Variants in RCC1L observed in about 807,000 individuals in gnomAD.
RCC1L encodes RCC1 like.
RCC1L carries 46 observed loss-of-function variants against 58.6 expected under a neutral mutation model. The observed-to-expected ratio is 0.79, with a 90% CI of 0.62 to 1.00. The LOEUF (loss-of-function observed/expected upper bound fraction) is 1.00. Ranked by LOEUF, RCC1L falls within the 50% of genes least tolerant of loss-of-function variation. RCC1L has a pLI of 0.00. For synonymous variants in RCC1L, 281 were observed against 262.9 expected, an observed-to-expected ratio of 1.07 and a Z score of -0.67; for missense variants, 636 against 623.6, an observed-to-expected ratio of 1.02 and a Z score of -0.21.
In RCC1L at chr7:75,073,514, G is replaced by A. The variant is rs782190497; in HGVS notation, c.224C>T (p.Pro75Leu). ...GFSFSGALGV[P>L]SFVVPSSGPG... is the part of the protein sequence containing the mutation. The stretch of plus-strand genomic sequence containing the variant: ...CCCGGAGCTGGGCACCACAAAGGAA[G>A]GCACGCCCAGCGCCCCCGAGAAGCT... The change falls in exon 1 of 11, where the codon CCT becomes CTT. Residue 75 changes from proline (P) to leucine (L), a missense_variant. Coordinates refer to ENST00000610322, the MANE Select transcript of RCC1L (RefSeq NM_030798.5). 1.4e-6 allele frequency: 2 copies of A among 1,439,874 alleles called. No homozygotes were observed. Among genetic ancestry groups the A allele is most frequent in the Non-Finnish European group, 1.8e-6 (2 of 1,103,782 alleles). The allele number at this position is 1,439,874 out of a possible 1,614,324, so 89.2% of individuals were successfully genotyped here. A position where few individuals can be genotyped will look rare whatever the true frequency, so the allele number is the denominator to read the frequency against.
chr7:75,038,995 C>T (rs1805488056), downstream of RCC1L, among the ~76,000 whole-genome samples: 1 of 152,206 alleles, frequency 6.6e-6, no homozygotes, highest in Non-Finnish European at 1.5e-5. Context: ...CGCGCGTCAC[C>T]ACGTCCGGCT....
At chr7:75,029,788 G>A (rs1023712665) in intron 10 of RCC1L, among the ~76,000 whole-genome samples, 4,797 of 152,242 alleles carry the variant, frequency 0.032, 89 homozygotes, top group East Asian at 0.048. Flanking sequence ...GAGTGAGGCC[G>A]GGGGGCTTCT....
rs1391513994 is a variant in RCC1L, at chr7:75,063,332, CTG to C, written c.660_661del (p.His220GlnfsTer22). On this transcript the variant is annotated frameshift_variant, in exon 5 of 11. Transcript: ENST00000610322. LOFTEE classifies it high-confidence loss of function. Reference sequence around the variant, plus strand: ...ATCGAAGTCCTGCATCCTGTGGACTCTGTGACTTTCACTACAGCCAGGAACAA... The same window carrying C: ...ATCGAAGTCCTGCATCCTGTGGACTCTGACTTTCACTACAGCCAGGAACAA... 6 of 1,613,750 alleles carry C rather than the reference CTG, an allele frequency of 3.7e-6. No individual in the cohort carries two copies. Among genetic ancestry groups the C allele is most frequent in the Admixed American group, 3.3e-5 (2 of 59,964 alleles).
chr7:75,032,266 C>T (rs1805323775), intron 10 of RCC1L, among the ~76,000 whole-genome samples: 1 of 152,110 alleles, frequency 6.6e-6, no homozygotes, highest in Non-Finnish European at 1.5e-5. Flanking sequence ...TTTCTGATGG[C>T]AAGGGAAGGG....
chr7:75,052,860 A>T, intron 9 of RCC1L, 64 bp from the exon 10 acceptor site: 1 of 1,481,100 alleles, frequency 6.8e-7, no homozygotes, highest in Non-Finnish European at 9.3e-7. Flanking sequence ...CAAGGAGAGG[A>T]TGGGTCATGA....
intron 2 of RCC1L, among the ~76,000 whole-genome samples, chr7:75,068,538 T>C (rs1806593285): frequency 6.6e-6 from 1 of 151,458 alleles, no homozygotes; most frequent in South Asian, 2.1e-4. Context: ...ATCCCCAAAT[T>C]AGCCAGGTGT....
intron 5 of RCC1L, among the ~76,000 whole-genome samples, chr7:75,061,761 T>A (rs1181495259): frequency 6.6e-6 from 1 of 152,214 alleles, no homozygotes; most frequent in East Asian, 1.9e-4. Flanking sequence ...GCCTCTGCAC[T>A]GTGATCTCTG....
chr7:75,033,395 GTAAT>G (rs1805358926), intron 10 of RCC1L, among the ~76,000 whole-genome samples: 1 of 152,014 alleles, frequency 6.6e-6, no homozygotes, highest in Admixed American at 6.6e-5. Context: ...ACCCGTAGTG[GTAAT>G]TAAGAAGTGG....
chr7:75,044,775 G>A (rs148581667), intron 10 of RCC1L, among the ~76,000 whole-genome samples: 8,069 of 151,494 alleles, frequency 0.053, 278 homozygotes, highest in South Asian at 0.098. Context: ...AGTGGCTCAC[G>A]CCTGTAATCC....
At chr7:75,056,161 A>C (rs1806072730) in intron 8 of RCC1L, 87 bp from the exon 9 acceptor site, 1 of 1,490,054 alleles carries the variant, frequency 6.7e-7, no homozygotes, top group Non-Finnish European at 9.3e-7. Flanking sequence ...ACCAAGGTTT[A>C]TGACATCCAC....
intron 7 of RCC1L, 77 bp downstream of exon 7, chr7:75,058,511 G>A: frequency 6.5e-7 from 1 of 1,532,184 alleles, no homozygotes; most frequent in South Asian, 1.2e-5. Context: ...GATTACAGGT[G>A]TGAGCCACCA....
At chr7:75,046,172 C>T (rs1805714089) in intron 10 of RCC1L, among the ~76,000 whole-genome samples, 1 of 152,232 alleles carries the variant, frequency 6.6e-6, no homozygotes, top group South Asian at 2.1e-4. Flanking sequence ...ATCCCCCAGC[C>T]CTGTCCCTAA....
At chr7:75,063,217 T>C (rs1554444661) in intron 5 of RCC1L, 75 bp downstream of exon 5, 1 of 1,538,940 alleles carries the variant, frequency 6.5e-7, no homozygotes, top group Non-Finnish European at 9.0e-7. Flanking sequence ...AAATTTGCCA[T>C]CACCCTACCC....
chr7:75,049,771 C>A (rs991607105), intron 10 of RCC1L, among the ~76,000 whole-genome samples: 23 of 151,510 alleles, frequency 1.5e-4, no homozygotes, highest in Non-Finnish European at 3.1e-4. Flanking sequence ...CCCAGCTACT[C>A]GGGAGGCTGA....
Position 75,073,672 on chromosome 7 carries a change from C to A in RCC1L, c.66G>T (p.Gly22=), listed in dbSNP as rs782712736. 558 of 1,497,768 alleles carry A rather than the reference C, an allele frequency of 3.7e-4. 2 individuals carry two copies. The highest frequency in any genetic ancestry group is 4.8e-4 in the Non-Finnish European group (546 of 1,130,204). The allele number at this position is 1,497,768 out of a possible 1,614,324, so 92.8% of individuals were successfully genotyped here. A position where few individuals can be genotyped will look rare whatever the true frequency, so the allele number is the denominator to read the frequency against. Residue 22 remains glycine, a synonymous_variant, in exon 1 of 11, where the codon GGG becomes GGT. Coordinates refer to ENST00000610322, the MANE Select transcript of RCC1L (RefSeq NM_030798.5). ...GCCCGGCCGCCGTCCAGTGCCCTCG[C>A]CCCAGCCCCGGCCCGCTCAGCCGCC... The part of the protein sequence containing the change: ...LGRRLSGPGL[G]RGHWTAAGRS...
chr7:75,051,329 C>CACACACACACATATATAT (rs1805905058), intron 10 of RCC1L, among the ~76,000 whole-genome samples: 1 of 143,810 alleles, frequency 7.0e-6, no homozygotes, highest in Admixed American at 6.9e-5. Context: ...TATATACACA[C>CACACACACACATATATAT]ACACACACAT....
At chr7:75,068,407 C>T (rs1440912875) in intron 2 of RCC1L, among the ~76,000 whole-genome samples, 1 of 151,228 alleles carries the variant, frequency 6.6e-6, no homozygotes, top group Admixed American at 6.6e-5. Flanking sequence ...ATATATAGGT[C>T]GGGCATGGTG....
rs915119983 is a variant in RCC1L, at chr7:75,042,455, C to T, written c.*577G>A. On this transcript the variant is annotated 3_prime_UTR_variant, in exon 11 of 11. Transcript: ENST00000610322. ...GGAGGCTGGGGCTGGTGCCTGCGGA[C>T]AGCTCCAGATGGAATCCCAGGCCAC... 1.0e-5 allele frequency: 10 copies of T among 987,250 alleles called. No individual in the cohort carries two copies. The Middle Eastern group carries it at 1.6e-3, about 155-fold the overall frequency. 61.2% of individuals were successfully genotyped at this position (987,250 alleles called of 1,614,324 possible). A position where few individuals can be genotyped will look rare whatever the true frequency, so the allele number is the denominator to read the frequency against.
intron 1 of RCC1L, among the ~76,000 whole-genome samples, chr7:75,072,428 A>G (rs896484551): frequency 1.1e-4 from 16 of 151,774 alleles, no homozygotes; most frequent in African/African-American, 3.6e-4. Context: ...AAGGCAGATG[A>G]GAAAGTGTGG....
Sources: allele counts gnomAD v4.1 joint callset (sites outside exome capture counted in the v4.1 genomes callset), GRCh38; gene constraint gnomAD v4.1.1; transcripts MANE v1.5; gene names NCBI Gene and HGNC (gene_info 2026-07-23, HGNC 2026-07-21).